TRPM2: variants seen among roughly 807,000 people sequenced by gnomAD.
The protein encoded by TRPM2 is transient receptor potential cation channel subfamily M member 2.
A neutral mutation model predicts 174.0 loss-of-function variants in TRPM2; 161 were observed. That is an observed-to-expected ratio of 0.93 (90% CI 0.81 to 1.05). The LOEUF (loss-of-function observed/expected upper bound fraction) is 1.05, where lower values mean the gene tolerates loss of function less well. TRPM2 is among the 50% of genes least tolerant of loss of function. TRPM2 has a pLI of 0.00. For synonymous variants in TRPM2, 954 were observed against 861.3 expected, an observed-to-expected ratio of 1.11 and a Z score of -1.88; for missense variants, 2,057 against 2,038.0, an observed-to-expected ratio of 1.01 and a Z score of -0.18.
At chr21:44,402,326 T>C (rs998236994) in intron 16 of TRPM2, among the ~76,000 whole-genome samples, 5 of 152,118 alleles carry the variant, frequency 3.3e-5, no homozygotes, top group African/African-American at 1.2e-4. Context: ...AGCAACAGTC[T>C]ACAGACTAAA....
At chr21:44,421,022 A>G (rs1042305712) in intron 22 of TRPM2, among the ~76,000 whole-genome samples, 3 of 152,170 alleles carry the variant, frequency 2.0e-5, no homozygotes, top group African/African-American at 7.2e-5. Context: ...GCTGGACCCC[A>G]AATGAATCAG....
At chr21:44,406,991 T>G (rs1037603450) in intron 19 of TRPM2, among the ~76,000 whole-genome samples, 4 of 149,574 alleles carry the variant, frequency 2.7e-5, no homozygotes, top group South Asian at 4.2e-4. Context: ...GGGTGAGTGG[T>G]GCCACGCAGA....
intron 27 of TRPM2, 22 bp downstream of exon 27, chr21:44,427,133 C>T: frequency 1.9e-6 from 3 of 1,548,904 alleles, no homozygotes; most frequent in Non-Finnish European, 2.6e-6. Context: ...CCCTGCGGGC[C>T]CCGCCCCGTC....
intron 28 of TRPM2, 63 bp from the exon 29 acceptor site, chr21:44,436,999 G>A (rs1438405217): frequency 2.2e-5 from 32 of 1,469,966 alleles, no homozygotes; most frequent in Admixed American, 6.0e-5. Context: ...CAGCCCCGCC[G>A]CGGCGCAGGG....
At chr21:44,425,625 G>A (rs1335897541) in intron 24 of TRPM2, 45 bp from the exon 25 acceptor site, 2 of 1,444,546 alleles carry the variant, frequency 1.4e-6, no homozygotes, top group South Asian at 2.8e-5. Context: ...GCGGGCACCT[G>A]AGCCCGGGCT....
intron 27 of TRPM2, among the ~76,000 whole-genome samples, chr21:44,428,137 G>A (rs541520769): frequency 5.1e-4 from 78 of 152,210 alleles, no homozygotes; most frequent in Admixed American, 1.2e-3. Context: ...GTGGACTTGC[G>A]AATCATATTT....
chr21:44,431,349 G>A (rs2051015388), intron 27 of TRPM2, among the ~76,000 whole-genome samples: 1 of 151,246 alleles, frequency 6.6e-6, no homozygotes, highest in African/African-American at 2.4e-5. Context: ...CTATTGCCCA[G>A]GCAGATCTTA....
At position 44,405,278 on chromosome 21, in the gene TRPM2, G is replaced by T; in HGVS notation, c.2657+18G>T. On this transcript the variant is annotated intron_variant, in intron 17 of 31. Transcript: ENST00000397928. ...ACCTGCAGGTGAGTGGCCTCACCCCGATGGCGGGCCCGTCTGAGGCAGCCA... is the reference window on the plus strand; with the variant it reads ...ACCTGCAGGTGAGTGGCCTCACCCCTATGGCGGGCCCGTCTGAGGCAGCCA... 1 of 1,610,828 alleles carries T rather than the reference G, an allele frequency of 6.2e-7. No individual in the cohort carries two copies. Among genetic ancestry groups the T allele is most frequent in the South Asian group, 1.1e-5 (1 of 91,048 alleles).
At chr21:44,363,977 C>A in intron 2 of TRPM2, 137 bp from the exon 3 acceptor site, 1 of 883,228 alleles carries the variant, frequency 1.1e-6, no homozygotes, top group Non-Finnish European at 1.7e-6. Flanking sequence ...CTGCCTCCCC[C>A]ATGGCTGGAA....
At chr21:44,412,614 T>C (rs1211679312) in intron 19 of TRPM2, among the ~76,000 whole-genome samples, 1 of 151,984 alleles carries the variant, frequency 6.6e-6, no homozygotes, top group African/African-American at 2.4e-5. Flanking sequence ...ATCTTCATTC[T>C]TTCCTTCCTT....
intron 15 of TRPM2, 23 bp from the exon 16 acceptor site, chr21:44,401,658 C>T (rs758018884): frequency 1.2e-6 from 2 of 1,609,670 alleles, no homozygotes; most frequent in South Asian, 2.2e-5. Flanking sequence ...GTCACTGTCT[C>T]CTCTCTGCTG....
rs192953522 is a variant in TRPM2 at position 44,375,297 on chromosome 21, C to T, written c.772-536C>T. Among the ~76,000 whole-genome samples, 448 of 152,352 alleles carry T rather than the reference C, an allele frequency of 2.9e-3. 1 individual carries two copies. Among genetic ancestry groups the T allele is most frequent in the African/African-American group, 9.9e-3 (413 of 41,568 alleles). ...CATTCATGGTGCTTCTAAATCCTCC[C>T]GTCGTCTCCCCATTGCCGGTTTCAA... On this transcript the variant is annotated intron_variant, in intron 5 of 31. Transcript: ENST00000397928.
Position 44,391,193 on chromosome 21 carries a change from C to T in TRPM2, c.1441-79C>T, listed in dbSNP as rs1434714332. On this transcript the variant is annotated intron_variant, in intron 10 of 31. Transcript: ENST00000397928. The surrounding 1 kb of genome is among the most constrained non-coding windows in gnomAD (Gnocchi z 5.0). ...CCAGGTTGGGGACAACAGCAGCCCCCATCTCCAGGGTCTTTGAGATCAGGA... is the reference window on the plus strand; with the variant it reads ...CCAGGTTGGGGACAACAGCAGCCCCTATCTCCAGGGTCTTTGAGATCAGGA... 1.3e-6 allele frequency: 2 copies of T among 1,530,976 alleles called. No homozygotes were observed. The highest frequency in any genetic ancestry group is 1.8e-6 in the Non-Finnish European group (2 of 1,123,682). 94.8% of individuals were successfully genotyped at this position (1,530,976 alleles called of 1,614,324 possible). A position where few individuals can be genotyped will look rare whatever the true frequency, so the allele number is the denominator to read the frequency against.
chr21:44,358,093 C>T (rs1435936174), intron 2 of TRPM2, among the ~76,000 whole-genome samples: 1 of 152,192 alleles, frequency 6.6e-6, no homozygotes. Flanking sequence ...CTTCCTACCC[C>T]ACTCGTCCAG....
rs767979728 is a variant in TRPM2, at chr21:44,391,467, C to T, written c.1636C>T (p.Arg546Cys). The stretch of plus-strand genomic sequence containing the variant: ...GAAGGTGCTGGTGGAGGATCCCGAG[C>T]GCCCGGCTTGCGCGCCCGCGGCGCC... Reference protein sequence around the residue: ...LQKVLVEDPERPACAPAAPRL... With the variant: ...LQKVLVEDPECPACAPAAPRL... Residue 546 changes from arginine to cysteine, a missense_variant, in exon 11 of 32, where the codon CGC becomes TGC. Coordinates refer to ENST00000397928, the MANE Select transcript of TRPM2 (RefSeq NM_003307.4). This position sits in a 1 kb window ranked among gnomAD's most constrained non-coding sequence, Gnocchi z 5.0. 8 of 1,612,114 alleles carry T rather than the reference C, an allele frequency of 5.0e-6. No individual in the cohort carries two copies. Among genetic ancestry groups the T allele is most frequent in the South Asian group, 1.1e-5 (1 of 91,078 alleles).
chr21:44,397,818 C>G lies in TRPM2; in HGVS notation c.2004C>G (p.Asp668Glu). The G allele has an allele frequency of 6.2e-7, 1 of 1,608,390 alleles. No individual in the cohort carries two copies. The highest frequency in any genetic ancestry group is 8.5e-7 in the Non-Finnish European group (1 of 1,177,778). The stretch of plus-strand genomic sequence containing the variant: ...AGGAACTGTCCAAGGAGGAGGAGGA[C>G]ACGGACAGCTCGGAGGAGATGCTGG... ...ILKELSKEEE[D>E]TDSSEEMLAL... Residue 668 changes from aspartate to glutamate, a missense_variant, in exon 13 of 32, where the codon GAC (aspartate) becomes GAG (glutamate). Asp to Glu is a conservative substitution (Grantham distance 45). Coordinates refer to ENST00000397928, the MANE Select transcript of TRPM2 (RefSeq NM_003307.4).
chr21:44,427,263 G>A, intron 27 of TRPM2, 152 bp downstream of exon 27: 1 of 706,956 alleles, frequency 1.4e-6, no homozygotes, highest in South Asian at 1.9e-5. Flanking sequence ...TCAACTCACT[G>A]CATCTCCGTA....
chr21:44,369,148 G>A (rs766143851), intron 4 of TRPM2, 29 bp from the exon 5 acceptor site: 2 of 1,568,190 alleles, frequency 1.3e-6, no homozygotes, highest in Non-Finnish European at 1.7e-6. Flanking sequence ...CAGTGCTGTG[G>A]GGCCTGCCCA....
chr21:44,411,667 A>G (rs553234793), intron 19 of TRPM2, among the ~76,000 whole-genome samples: 1 of 152,274 alleles, frequency 6.6e-6, no homozygotes, highest in Admixed American at 6.5e-5. Flanking sequence ...TCCTGATCTT[A>G]AGACGAGTCC....
Sources: allele counts gnomAD v4.1 joint callset (sites outside exome capture counted in the v4.1 genomes callset), GRCh38; gene constraint gnomAD v4.1.1; non-coding constraint Gnocchi (gnomAD v3.1); transcripts MANE v1.5; gene names NCBI Gene and HGNC (gene_info 2026-07-23, HGNC 2026-07-21).